Variants in CELSR1 observed in about 807,000 individuals in gnomAD.
The protein encoded by CELSR1 is cadherin EGF LAG seven-pass G-type receptor 1.
In CELSR1, 110 loss-of-function variants were observed where a neutral mutation model predicts 249.1. That is an observed-to-expected ratio of 0.44 (90% CI 0.38 to 0.52). CELSR1 has a LOEUF of 0.52. Among genes scored for constraint, CELSR1 ranks in the 20% least tolerant of loss-of-function variants. CELSR1 has a pLI of 0.00. For missense variants in CELSR1, 4,109 were observed against 4,296.4 expected, an observed-to-expected ratio of 0.96 and a Z score of 1.22; for synonymous variants, 2,113 against 1,900.0, an observed-to-expected ratio of 1.11 and a Z score of -2.92.
chr22:46,528,550 T>C (rs1303013777), intron 1 of CELSR1, among the ~76,000 whole-genome samples: 2 of 152,060 alleles, frequency 1.3e-5, no homozygotes, highest in Non-Finnish European at 2.9e-5. Flanking sequence ...ACACTCAAAG[T>C]GAATTAAAAA....
Position 46,366,480 on chromosome 22 carries a change from G to A in CELSR1, c.8206C>T (p.Arg2736Cys), listed in dbSNP as rs1489994045. Residue 2736 changes from arginine to cysteine, a missense_variant and splice_region_variant, in exon 30 of 35, where the codon CGC becomes TGC. This residue lies in a region of CELSR1 where 1,805 missense variants were observed against 1,831.6 expected (regional missense o/e 0.99). Transcript: ENST00000674500. ...SATTRATLLTRSLNCNTTFGD... is the reference protein window; with the variant it reads ...SATTRATLLTCSLNCNTTFGD... ...AAGGTGGTGTTGCAGTTGAGGGAGC[G>A]CTGAAGGGAGGGGAGGGGCTGGTCA... The A allele has an allele frequency of 2.5e-5, 39 of 1,549,752 alleles. No homozygotes were observed. The highest frequency in any genetic ancestry group is 3.1e-5 in the Non-Finnish European group (36 of 1,146,318).
Position 46,374,317 on chromosome 22 carries a change from C to G in CELSR1, c.7585-1260G>C, listed in dbSNP as rs2078893921. Among the ~76,000 whole-genome samples the G allele has an allele frequency of 1.3e-5, 2 of 152,206 alleles. No individual in the cohort carries two copies. The highest frequency in any genetic ancestry group is 2.4e-5 in the African/African-American group (1 of 41,454). On this transcript the variant is annotated intron_variant, in intron 24 of 34. Transcript: ENST00000674500. This position sits in a 1 kb window ranked among gnomAD's most constrained non-coding sequence, Gnocchi z 4.3. ...AACCCACGAAACCACCTTTTGAAAA[C>G]AAAGTGCGAGGGCTGTGCCATCCTG... is the stretch of plus-strand genomic sequence containing the variant.
chr22:46,519,783 T>G (rs908443103), intron 1 of CELSR1, among the ~76,000 whole-genome samples: 5 of 152,154 alleles, frequency 3.3e-5, no homozygotes, highest in African/African-American at 1.2e-4. Flanking sequence ...CATGTCCATT[T>G]GTGTGGCTGT....
intron 3 of CELSR1, 75 bp downstream of exon 3, chr22:46,439,114 A>G (rs1475222393): frequency 1.5e-6 from 2 of 1,367,134 alleles, no homozygotes; most frequent in Non-Finnish European, 2.0e-6. Context: ...CACGATCTAG[A>G]GGGATGGGGT....
chr22:46,414,097 T>C lies in CELSR1; in HGVS notation c.4612-2338A>G, dbSNP rs187059217. On this transcript the variant is annotated intron_variant, in intron 5 of 34. Coordinates refer to ENST00000674500, the MANE Select transcript of CELSR1 (RefSeq NM_001378328.1). ...AGCTGGAGGCAAAAGACAAAGCCAA[T>C]GCAATCCACGCTTGTTTTTCGAGTG... Among the ~76,000 whole-genome samples the C allele has an allele frequency of 2.1e-3, 322 of 152,212 alleles. 2 individuals are homozygous for C. The Middle Eastern group carries it at 0.034, about 16-fold the overall frequency.
intron 19 of CELSR1, 103 bp downstream of exon 19, chr22:46,386,299 A>C (rs898624830): frequency 1.5e-6 from 2 of 1,290,966 alleles, no homozygotes; most frequent in African/African-American, 3.1e-5. Context: ...AGCATGGCCA[A>C]GGGGGGGCCG....
Position 46,448,361 on chromosome 22 carries a change from G to T in CELSR1, c.4184-8950C>A, listed in dbSNP as rs1283177179. Among the ~76,000 whole-genome samples the T allele has an allele frequency of 6.6e-6, 1 of 152,142 alleles. No individual in the cohort carries two copies. The highest frequency in any genetic ancestry group is 1.5e-5 in the Non-Finnish European group (1 of 68,010). On this transcript the variant is annotated intron_variant, in intron 2 of 34. Coordinates refer to ENST00000674500, the MANE Select transcript of CELSR1 (RefSeq NM_001378328.1). The surrounding 1 kb of genome is among the most constrained non-coding windows in gnomAD (Gnocchi z 5.7). Reference sequence around the variant, plus strand: ...CAAGAGCTCCAGAACTTACCCCTGGGGGGCTGCTCCAGGAGCTAGGAGAAG... The same window carrying T: ...CAAGAGCTCCAGAACTTACCCCTGGTGGGCTGCTCCAGGAGCTAGGAGAAG...
chr22:46,457,007 C>G (rs576930451), intron 2 of CELSR1, among the ~76,000 whole-genome samples: 8 of 152,140 alleles, frequency 5.3e-5, no homozygotes, highest in Non-Finnish European at 8.8e-5. Context: ...CTCACCTACT[C>G]GGTTCCTGAT....
chr22:46,383,042 G>A (rs2078996344), intron 20 of CELSR1, among the ~76,000 whole-genome samples: 1 of 152,116 alleles, frequency 6.6e-6, no homozygotes, highest in South Asian at 2.1e-4. Context: ...GTTGAAAATC[G>A]GCCTGGTCGG....
rs1602228376 is a variant in CELSR1 at position 46,511,938 on chromosome 22, C to T, written c.3544+21689G>A. Reference sequence around the variant, plus strand: ...AGGCACTAGGTAAGAGCATCCCCTGCCCGGATGACATGACGGTCACCTCCT... The same window carrying T: ...AGGCACTAGGTAAGAGCATCCCCTGTCCGGATGACATGACGGTCACCTCCT... On this transcript the variant is annotated intron_variant, in intron 1 of 34. Coordinates refer to ENST00000674500, the MANE Select transcript of CELSR1 (RefSeq NM_001378328.1). 2.0e-5 allele frequency among the ~76,000 whole-genome samples: 3 copies of T among 152,324 alleles called. No homozygotes were observed. In the South Asian group the frequency reaches 6.2e-4, roughly 32 times the overall value.
chr22:46,511,736 C>T (rs2080575963), intron 1 of CELSR1, among the ~76,000 whole-genome samples: 1 of 152,114 alleles, frequency 6.6e-6, no homozygotes, highest in African/African-American at 2.4e-5. Flanking sequence ...GTGGGGAAGG[C>T]AGGGAGAGTA....
rs920232343 is a variant in CELSR1 at position 46,382,459 on chromosome 22, G to A, written c.6884-409C>T. Among the ~76,000 whole-genome samples the A allele has an allele frequency of 2.0e-5, 3 of 152,180 alleles. No individual in the cohort carries two copies. The East Asian group carries it at 5.8e-4, about 29-fold the overall frequency. ...CGCCTGGCTAATTTTTGTATTTTTAGTAGAGACAGAGTTTCACCTTGTTAG... is the reference window on the plus strand; with the variant it reads ...CGCCTGGCTAATTTTTGTATTTTTAATAGAGACAGAGTTTCACCTTGTTAG... On this transcript the variant is annotated intron_variant, in intron 20 of 34. Transcript: ENST00000674500.
chr22:46,439,784 C>T (rs1319342176), intron 2 of CELSR1, among the ~76,000 whole-genome samples: 1 of 152,046 alleles, frequency 6.6e-6, no homozygotes, highest in African/African-American at 2.4e-5. Context: ...AGAAACAGAC[C>T]AGAGCACCTC....
intron 1 of CELSR1, among the ~76,000 whole-genome samples, chr22:46,510,380 G>A (rs1052656474): frequency 6.6e-6 from 1 of 151,994 alleles, no homozygotes; most frequent in African/African-American, 2.4e-5. Flanking sequence ...CCCCCTTCCC[G>A]GAGCTTCCCC....
chr22:46,372,307 CCCAT>C lies in CELSR1; in HGVS notation c.7759+572_7759+575del, dbSNP rs1371195519. On this transcript the variant is annotated intron_variant, in intron 25 of 34. Transcript: ENST00000674500. ...CATCCATCCATCCACTCGCTCCCCA[CCCAT>C]CCATCCATCCACTCACTCACCCCAT... Among the ~76,000 whole-genome samples the C allele has an allele frequency of 4.1e-5, 6 of 146,170 alleles. No homozygotes were observed. The South Asian group carries it at 6.8e-4, about 17-fold the overall frequency.
At position 46,445,476 on chromosome 22, in the gene CELSR1, C is replaced by G. The variant is rs1371194741; in HGVS notation, c.4184-6065G>C. ...CACCATTGCACTCCAGCCTGGGTGACAGAGCAAGACTGTCTCTAAAAAAAT... is the reference window on the plus strand; with the variant it reads ...CACCATTGCACTCCAGCCTGGGTGAGAGAGCAAGACTGTCTCTAAAAAAAT... On this transcript the variant is annotated intron_variant, in intron 2 of 34. Transcript: ENST00000674500. The surrounding 1 kb of genome is among the most constrained non-coding windows in gnomAD (Gnocchi z 4.4). Among the ~76,000 whole-genome samples the G allele has an allele frequency of 6.6e-6, 1 of 152,120 alleles. No homozygotes were observed. The highest frequency in any genetic ancestry group is 1.5e-5 in the Non-Finnish European group (1 of 68,020).
chr22:46,536,547 G>C lies in CELSR1; in HGVS notation c.624C>G (p.Pro208=). 7.4e-7 allele frequency: 1 copy of C among 1,356,520 alleles called. No individual in the cohort carries two copies. The highest frequency in any genetic ancestry group is 1.5e-5 in the African/African-American group (1 of 64,646). 84.0% of individuals were successfully genotyped at this position (1,356,520 alleles called of 1,614,324 possible). A position where few individuals can be genotyped will look rare whatever the true frequency, so the allele number is the denominator to read the frequency against. ...LALEAATAGT[P]SASPSPSPPL... ...GCGGCGATGGGGATGGCGACGCGGAGGGCGTCCCCGCGGTGGCGGCCTCCA... is the reference window on the plus strand; with the variant it reads ...GCGGCGATGGGGATGGCGACGCGGACGGCGTCCCCGCGGTGGCGGCCTCCA... Residue 208 remains proline (P), a synonymous_variant, in exon 1 of 35, where the codon CCC becomes CCG. Coordinates refer to ENST00000674500, the MANE Select transcript of CELSR1 (RefSeq NM_001378328.1).
rs2080848607 is a variant in CELSR1, at chr22:46,535,900, T to C, written c.1271A>G (p.Gln424Arg). The C allele has an allele frequency of 6.2e-7, 1 of 1,608,594 alleles. No individual in the cohort carries two copies. Among genetic ancestry groups the C allele is most frequent in the Admixed American group, 1.7e-5 (1 of 59,916 alleles). ...CTGGTCGTTGGCCTCCACCAGGAGC[T>C]GGTACTCGGCCGCCTCCTCCCGGTC... The part of the protein sequence containing the change: ...VLDREEAAEY[Q>R]LLVEANDQGR... Residue 424 changes from glutamine (Q) to arginine (R), a missense_variant, in exon 1 of 35, where the codon CAG (glutamine) becomes CGG (arginine). Around this residue, in one of 7 missense-constraint regions of CELSR1, gnomAD observed 673 missense variants for 636.8 expected, o/e 1.06. Coordinates refer to ENST00000674500, the MANE Select transcript of CELSR1 (RefSeq NM_001378328.1).
chr22:46,532,379 CTG>C (rs1277519093), intron 1 of CELSR1, among the ~76,000 whole-genome samples: 2 of 152,226 alleles, frequency 1.3e-5, no homozygotes, highest in African/African-American at 4.8e-5. Context: ...GACAAATAGA[CTG>C]TACTGCCAAA....
Sources: allele counts gnomAD v4.1 joint callset (sites outside exome capture counted in the v4.1 genomes callset), GRCh38; gene constraint gnomAD v4.1.1; regional missense constraint gnomAD v4.1.1; non-coding constraint Gnocchi (gnomAD v3.1); transcripts MANE v1.5; gene names NCBI Gene and HGNC (gene_info 2026-07-23, HGNC 2026-07-21).